The following YAP1 variants were observed in gnomAD, a reference collection of about 807,000 sequenced individuals.
YAP1 encodes Yes1 associated transcriptional regulator.
Under a neutral mutation model 56.9 loss-of-function variants are expected in YAP1, and 5 were observed. The ratio of observed to expected loss-of-function variants is 0.09; its 90% CI spans 0.05 to 0.18. The LOEUF is 0.18. Among genes scored for constraint, YAP1 ranks in the 10% least tolerant of loss-of-function variants. YAP1 has a pLI of 1.00. For synonymous variants in YAP1, 265 were observed against 248.1 expected (o/e 1.07, Z -0.64); for missense variants, 539 against 651.8 (o/e 0.83, Z 1.88).
intron 7 of YAP1, among the ~76,000 whole-genome samples, chr11:102,225,807 G>A (rs961420484): frequency 1.1e-4 from 16 of 152,164 alleles, no homozygotes; most frequent in African/African-American, 3.1e-4. Flanking sequence ...GAAGTTGTGA[G>A]CCTCTCACAA....
intron 8 of YAP1, among the ~76,000 whole-genome samples, chr11:102,227,987 G>A (rs1950276112): frequency 6.6e-6 from 1 of 150,658 alleles, no homozygotes; most frequent in Admixed American, 6.6e-5. Flanking sequence ...TGGGAGGATG[G>A]ATTGAGCCCC....
chr11:102,150,802 G>GTTGTTTT (rs1945596178), intron 2 of YAP1, among the ~76,000 whole-genome samples: 1 of 108,050 alleles, frequency 9.3e-6, no homozygotes, highest in Non-Finnish European at 1.9e-5. Flanking sequence ...CATACAAATG[G>GTTGTTTT]TTTTTTTTTT....
Position 102,176,745 on chromosome 11 carries a change from C to CAAAAAAAAAAAAA in YAP1, c.689-9254_689-9242dup, listed in dbSNP as rs57082707. 2.2e-3 allele frequency among the ~76,000 whole-genome samples: 102 copies of CAAAAAAAAAAAAA among 45,510 alleles called. 6 individuals carry two copies. Among genetic ancestry groups the CAAAAAAAAAAAAA allele is most frequent in the Non-Finnish European group, 2.8e-3 (73 of 26,186 alleles). The allele number at this position is 45,510 out of a possible 152,430, so 29.9% of individuals were successfully genotyped here. A position where few individuals can be genotyped will look rare whatever the true frequency, so the allele number is the denominator to read the frequency against. On this transcript the variant is annotated intron_variant, in intron 3 of 8. Coordinates refer to ENST00000282441, the MANE Select transcript of YAP1 (RefSeq NM_001130145.3). ...TGGGCAACAGAGTAAGACTCCGTCT[C>CAAAAAAAAAAAAA]AAAAAAAAAAAAAAAAAAAAAAAAA...
chr11:102,131,719 TG>T (rs952415645), intron 2 of YAP1, among the ~76,000 whole-genome samples: 1 of 152,326 alleles, frequency 6.6e-6, no homozygotes, highest in African/African-American at 2.4e-5. Context: ...GTATTTACTA[TG>T]TGTATTCTAA....
At chr11:102,209,307 C>G (rs1949277428) in intron 5 of YAP1, among the ~76,000 whole-genome samples, 1 of 152,088 alleles carries the variant, frequency 6.6e-6, no homozygotes, top group South Asian at 2.1e-4. Context: ...GTCTTGCTGT[C>G]CTATCCTCAA....
rs1949784386 is a variant in YAP1 at position 102,218,881 on chromosome 11, T to TA, written c.1033-4739dup. The stretch of plus-strand genomic sequence containing the variant: ...TAAAAAGTAAAAATTTCACGGCTTT[T>TA]AACAAACATAGTGGCCAAATTCAAA... On this transcript the variant is annotated intron_variant, in intron 6 of 8. Coordinates refer to ENST00000282441, the MANE Select transcript of YAP1 (RefSeq NM_001130145.3). Among the ~76,000 whole-genome samples, 3 of 152,232 alleles carry TA rather than the reference T, an allele frequency of 2.0e-5. 1 individual carries two copies. In the South Asian group the frequency reaches 6.2e-4, roughly 31 times the overall value.
intron 4 of YAP1, among the ~76,000 whole-genome samples, chr11:102,202,062 CTG>C (rs1188727336): frequency 5.3e-5 from 8 of 152,120 alleles, no homozygotes; most frequent in Admixed American, 5.2e-4. Flanking sequence ...ATCAGAATAA[CTG>C]TGCTGGATTA....
intron 2 of YAP1, among the ~76,000 whole-genome samples, chr11:102,138,060 GTATTT>G (rs1204658976): frequency 6.6e-6 from 1 of 152,062 alleles, no homozygotes; most frequent in East Asian, 1.9e-4. Flanking sequence ...GCTAATTTTT[GTATTT>G]TAGTAGAGAC....
At chr11:102,185,044 G>A (rs797015430) in intron 3 of YAP1, among the ~76,000 whole-genome samples, 1 of 152,286 alleles carries the variant, frequency 6.6e-6, no homozygotes, top group East Asian at 1.9e-4. Context: ...CAAGATAAGT[G>A]TTCAATTCAT....
At chr11:102,160,873 C>CT (rs1946231200) in intron 2 of YAP1, among the ~76,000 whole-genome samples, 5 of 152,116 alleles carry the variant, frequency 3.3e-5, no homozygotes, top group Admixed American at 3.3e-4. Context: ...TTCAGCTACT[C>CT]TGTGTTCACA....
chr11:102,186,317 G>A, intron 4 of YAP1, 186 bp downstream of exon 4: 1 of 643,794 alleles, frequency 1.6e-6, no homozygotes. Context: ...ATTTAGATCT[G>A]AATCAGATTT....
chr11:102,151,852 G>A (rs1455048487), intron 2 of YAP1, among the ~76,000 whole-genome samples: 2 of 152,254 alleles, frequency 1.3e-5, no homozygotes, highest in Middle Eastern at 3.4e-3. Flanking sequence ...ATCACCTCAG[G>A]CATGGTTGAG....
chr11:102,157,903 G>A (rs1039512240), intron 2 of YAP1, among the ~76,000 whole-genome samples: 50 of 152,114 alleles, frequency 3.3e-4, no homozygotes, highest in Non-Finnish European at 5.1e-4. Flanking sequence ...GTGTGTTAGG[G>A]GCTTAAACAC....
chr11:102,117,823 T>G (rs968765881), intron 2 of YAP1, among the ~76,000 whole-genome samples: 13 of 152,264 alleles, frequency 8.5e-5, no homozygotes, highest in Non-Finnish European at 1.8e-4. Context: ...CTATTTTCTT[T>G]ACCATCGTAT....
intron 3 of YAP1, among the ~76,000 whole-genome samples, chr11:102,171,063 A>G (rs562026440): frequency 4.6e-5 from 7 of 152,256 alleles, no homozygotes; most frequent in Middle Eastern, 3.4e-3. Context: ...GCATAAAAAT[A>G]GAAGTATTTG....
At chr11:102,119,671 C>A (rs1328605743) in intron 2 of YAP1, among the ~76,000 whole-genome samples, 5 of 147,850 alleles carry the variant, frequency 3.4e-5, no homozygotes, top group African/African-American at 1.2e-4. Context: ...TTTTTACAAC[C>A]CTAAAATAAG....
At chr11:102,141,309 T>C (rs1945010776) in intron 2 of YAP1, among the ~76,000 whole-genome samples, 1 of 152,222 alleles carries the variant, frequency 6.6e-6, no homozygotes, top group Non-Finnish European at 1.5e-5. Flanking sequence ...ACTATTTTCG[T>C]GTTCCCAGTC....
chr11:102,187,044 T>A (rs746033232), intron 4 of YAP1, among the ~76,000 whole-genome samples: 4 of 152,128 alleles, frequency 2.6e-5, no homozygotes, highest in Non-Finnish European at 5.9e-5. Context: ...TTACAGGGTT[T>A]GACCTAACAA....
intron 2 of YAP1, among the ~76,000 whole-genome samples, chr11:102,122,009 G>T (rs1943685991): frequency 2.0e-5 from 3 of 152,032 alleles, no homozygotes; most frequent in South Asian, 4.1e-4. Flanking sequence ...TGTTGCCCAG[G>T]CTGGTCTCAA....
Sources: allele counts gnomAD v4.1 joint callset (sites outside exome capture counted in the v4.1 genomes callset), GRCh38; gene constraint gnomAD v4.1.1; transcripts MANE v1.5; gene names NCBI Gene and HGNC (gene_info 2026-07-23, HGNC 2026-07-21).